KLF7: variants seen among roughly 807,000 people sequenced by gnomAD.
KLF7 encodes KLF transcription factor 7, also known as Krueppel-like factor 7.
KLF7 carries 2 observed loss-of-function variants against 27.3 expected under a neutral mutation model. That is an observed-to-expected ratio of 0.07 (90% confidence interval 0.03 to 0.23). The LOEUF is 0.23. Ranked by LOEUF, KLF7 falls within the 10% of genes least tolerant of loss-of-function variation. The probability of loss-of-function intolerance (pLI) is 1.00; values close to 1 mark genes in which losing one functional copy is unlikely to be tolerated. For missense variants in KLF7, 221 were observed against 394.1 expected (o/e 0.56, Z 3.72); for synonymous variants, 165 against 162.4 (o/e 1.02, Z -0.12).
At chr2:207,094,514 T>C (rs1263615) in intron 2 of KLF7, among the ~76,000 whole-genome samples, 48,874 of 152,102 alleles carry the variant, frequency 0.32, 9,020 homozygotes, top group African/African-American at 0.5. Context: ...TGCTGCCTAA[T>C]ACATCTCGAA....
chr2:207,157,902 CA>C (rs1485914229), intron 1 of KLF7, among the ~76,000 whole-genome samples: 1 of 152,002 alleles, frequency 6.6e-6, no homozygotes, highest in Non-Finnish European at 1.5e-5. Context: ...ATAGGGAAGC[CA>C]GGAAAAAGGA....
chr2:207,114,181 C>A (rs1410727093), intron 2 of KLF7, among the ~76,000 whole-genome samples: 2 of 152,206 alleles, frequency 1.3e-5, no homozygotes, highest in African/African-American at 4.8e-5. Context: ...CTGACATTCT[C>A]TCCCGAACAC....
At chr2:207,112,563 C>T (rs1223521803) in intron 2 of KLF7, among the ~76,000 whole-genome samples, 1 of 152,198 alleles carries the variant, frequency 6.6e-6, no homozygotes. Flanking sequence ...TTTCTGTGCA[C>T]AGTCACACAA....
chr2:207,099,573 T>TATATATATATATATATATA (rs2076714109), intron 2 of KLF7, among the ~76,000 whole-genome samples: 13 of 130,616 alleles, frequency 1.0e-4, no homozygotes, highest in Admixed American at 2.2e-4. Flanking sequence ...TATATATATA[T>TATATATATATATATATATA]GAAAAGAGAT....
intron 1 of KLF7, among the ~76,000 whole-genome samples, chr2:207,131,248 A>C (rs2077626114): frequency 1.3e-5 from 2 of 152,212 alleles, no homozygotes; most frequent in Non-Finnish European, 2.9e-5. Context: ...TGTTCACCTA[A>C]GTAATTGCAC....
At chr2:207,137,330 G>C (rs2077816515) in intron 1 of KLF7, among the ~76,000 whole-genome samples, 1 of 152,144 alleles carries the variant, frequency 6.6e-6, no homozygotes. Flanking sequence ...TTCAAACCTA[G>C]CAGTTGGCGA....
At chr2:207,157,920 C>T (rs1343456200) in intron 1 of KLF7, among the ~76,000 whole-genome samples, 1 of 152,060 alleles carries the variant, frequency 6.6e-6, no homozygotes, top group Non-Finnish European at 1.5e-5. Context: ...AGGAAGCAGT[C>T]CGTGGAAGAA....
At chr2:207,095,104 G>A (rs1355157976) in intron 2 of KLF7, among the ~76,000 whole-genome samples, 2 of 135,014 alleles carry the variant, frequency 1.5e-5, no homozygotes, top group African/African-American at 2.7e-5. Context: ...GCAGTGGCGC[G>A]ATCTCGGCTC....
chr2:207,137,938 T>C (rs2077834460), intron 1 of KLF7, among the ~76,000 whole-genome samples: 1 of 152,174 alleles, frequency 6.6e-6, no homozygotes, highest in African/African-American at 2.4e-5. Context: ...CATTGCAATG[T>C]TGCAGATTTC....
In KLF7 at chr2:207,084,536, C is replaced by A. The variant is rs915124250; in HGVS notation, c.858-3272G>T. 3.5e-4 allele frequency among the ~76,000 whole-genome samples: 52 copies of A among 147,690 alleles called. 1 individual carries two copies. The highest frequency in any genetic ancestry group is 5.6e-4 in the Non-Finnish European group (37 of 66,656). On this transcript the variant is annotated intron_variant, in intron 3 of 3. Coordinates refer to ENST00000309446, the MANE Select transcript of KLF7 (RefSeq NM_003709.4). ...TGAGCATCATTATTTGTTCAAATTC[C>A]AAAAAAAAAATGTATGATGCTCAGG...
chr2:207,098,073 C>T (rs2076674182), intron 2 of KLF7, among the ~76,000 whole-genome samples: 2 of 152,126 alleles, frequency 1.3e-5, no homozygotes, highest in South Asian at 4.1e-4. Flanking sequence ...AGTTTTGAAA[C>T]AGGTAAGCAT....
At chr2:207,159,716 C>T (rs1180313696) in intron 1 of KLF7, among the ~76,000 whole-genome samples, 1 of 152,140 alleles carries the variant, frequency 6.6e-6, no homozygotes, top group Non-Finnish European at 1.5e-5. Flanking sequence ...AATCAGAAGT[C>T]ACTCGCACCT....
intron 1 of KLF7, among the ~76,000 whole-genome samples, chr2:207,125,909 T>C (rs1324387670): frequency 6.6e-6 from 1 of 152,164 alleles, no homozygotes; most frequent in Admixed American, 6.5e-5. Context: ...TAAACTCACA[T>C]AGAAATGTGA....
At chr2:207,134,027 A>T (rs2077711760) in intron 1 of KLF7, 1 of 1,499,278 alleles carries the variant, frequency 6.7e-7, no homozygotes, top group Non-Finnish European at 9.0e-7. Flanking sequence ...ACACACACTC[A>T]CACACCCTCC....
At chr2:207,166,854 A>C (rs752971634), upstream of KLF7, 312 of 1,052,448 alleles carry the variant, frequency 3.0e-4, no homozygotes, top group Non-Finnish European at 3.4e-4. Context: ...AGTGCCACAC[A>C]ATGGGAGAGA....
upstream of KLF7, among the ~76,000 whole-genome samples, chr2:207,170,586 G>A (rs2078778085): frequency 6.6e-6 from 1 of 152,184 alleles, no homozygotes; most frequent in South Asian, 2.1e-4. Context: ...TGATTCTCTT[G>A]TTAGGATCTA....
intron 1 of KLF7, among the ~76,000 whole-genome samples, chr2:207,163,887 A>C (rs2078620781): frequency 6.6e-6 from 1 of 152,216 alleles, no homozygotes; most frequent in African/African-American, 2.4e-5. Context: ...ATCCAGTGAG[A>C]CCCTTCATGA....
At chr2:207,151,867 T>C (rs1470711805) in intron 1 of KLF7, among the ~76,000 whole-genome samples, 2 of 152,144 alleles carry the variant, frequency 1.3e-5, no homozygotes, top group East Asian at 1.9e-4. Flanking sequence ...TTTTTTTAAA[T>C]GGCTTTTTTT....
intron 2 of KLF7, among the ~76,000 whole-genome samples, chr2:207,114,569 T>G (rs921899010): frequency 1.3e-5 from 2 of 152,234 alleles, no homozygotes; most frequent in Admixed American, 1.3e-4. Context: ...GTCAAGCTTT[T>G]TCTTGGTTCT....
Sources: gnomAD v4.1 joint callset for allele counts (sites outside exome capture counted in the v4.1 genomes callset) on GRCh38, gnomAD v4.1.1 for gene constraint, MANE v1.5 for transcripts, NCBI Gene and HGNC (gene_info 2026-07-23, HGNC 2026-07-21) for gene names.